RGS7: variants seen among roughly 807,000 people sequenced by gnomAD.
The protein encoded by RGS7 is regulator of G-protein signaling 7.
Under a neutral mutation model 81.1 loss-of-function variants are expected in RGS7, and 27 were observed. The ratio of observed to expected loss-of-function variants is 0.33; its 90% confidence interval spans 0.25 to 0.46. The LOEUF (loss-of-function observed/expected upper bound fraction) is 0.46, where lower values mean the gene tolerates loss of function less well. Among genes scored for constraint, RGS7 ranks in the 20% least tolerant of loss-of-function variants. RGS7 has a pLI of 1.00. For synonymous variants in RGS7, 208 were observed against 207.7 expected, an observed-to-expected ratio of 1.00 and a Z score of -0.01; for missense variants, 396 against 607.4, an observed-to-expected ratio of 0.65 and a Z score of 3.66.
intron 2 of RGS7, among the ~76,000 whole-genome samples, chr1:241,198,425 TA>T (rs1225855042): frequency 2.0e-5 from 3 of 151,972 alleles, no homozygotes; most frequent in African/African-American, 7.2e-5. Flanking sequence ...AAAAGGCTAA[TA>T]TAGTTGATGA....
At chr1:241,093,421 C>G (rs1027100039) in intron 3 of RGS7, among the ~76,000 whole-genome samples, 3 of 152,102 alleles carry the variant, frequency 2.0e-5, no homozygotes, top group Non-Finnish European at 4.4e-5. Flanking sequence ...ATTTCCCCAG[C>G]AACGGTAAAA....
At chr1:240,838,061 A>G (rs1694996107) in intron 9 of RGS7, among the ~76,000 whole-genome samples, 1 of 152,214 alleles carries the variant, frequency 6.6e-6, no homozygotes, top group Non-Finnish European at 1.5e-5. Context: ...TCCCTGTCTT[A>G]GTCTCTTCAG....
At chr1:241,077,068 T>G (rs1465558074) in intron 3 of RGS7, among the ~76,000 whole-genome samples, 1 of 152,222 alleles carries the variant, frequency 6.6e-6, no homozygotes, top group Non-Finnish European at 1.5e-5. Context: ...CTATTCTTTT[T>G]TATCACTTGA....
At chr1:241,192,155 A>G (rs1025118159) in intron 2 of RGS7, among the ~76,000 whole-genome samples, 22 of 105,024 alleles carry the variant, frequency 2.1e-4, no homozygotes, top group African/African-American at 7.8e-4. Context: ...GGCTAGAGAA[A>G]ACAGGTGTGT....
chr1:241,214,379 A>C (rs2074428143), intron 2 of RGS7, among the ~76,000 whole-genome samples: 2 of 152,206 alleles, frequency 1.3e-5, no homozygotes, highest in African/African-American at 4.8e-5. Context: ...CAATTGTATA[A>C]GCTAGTTTAA....
chr1:241,353,679 A>T (rs2083386917), intron 2 of RGS7, among the ~76,000 whole-genome samples: 1 of 152,152 alleles, frequency 6.6e-6, no homozygotes, highest in African/African-American at 2.4e-5. Context: ...CTAATAAAAG[A>T]AGGGAAAAAT....
chr1:241,291,282 G>A (rs899521177), intron 2 of RGS7, among the ~76,000 whole-genome samples: 2 of 152,082 alleles, frequency 1.3e-5, no homozygotes, highest in Non-Finnish European at 2.9e-5. Flanking sequence ...AATTGGTAGG[G>A]ACCTTGTCAA....
At chr1:241,235,628 CTCT>C (rs2075900961) in intron 2 of RGS7, among the ~76,000 whole-genome samples, 1 of 61,024 alleles carries the variant, frequency 1.6e-5, no homozygotes, top group Non-Finnish European at 3.6e-5. Flanking sequence ...TCCCTTTTCT[CTCT>C]TTTTTCTTTT....
chr1:240,846,982 C>A (rs375920356), intron 9 of RGS7, among the ~76,000 whole-genome samples: 32 of 152,272 alleles, frequency 2.1e-4, no homozygotes, highest in South Asian at 1.7e-3. Flanking sequence ...ACCAGGAAAA[C>A]CACTCCTGGA....
Position 240,838,163 on chromosome 1 carries a change from G to A in RGS7, c.610-10991C>T, listed in dbSNP as rs369141461. Among the ~76,000 whole-genome samples, 4 of 152,168 alleles carry A rather than the reference G, an allele frequency of 2.6e-5. No individual in the cohort carries two copies. The South Asian group carries it at 8.3e-4, about 32-fold the overall frequency. On this transcript the variant is annotated intron_variant, in intron 9 of 18. Transcript: ENST00000440928. ...TGGAGGCTGGGAAGTTCAAGATCAAGGCAGTGAAAGATTTTGTGTTGGGTG... is the reference window on the plus strand; with the variant it reads ...TGGAGGCTGGGAAGTTCAAGATCAAAGCAGTGAAAGATTTTGTGTTGGGTG...
At chr1:241,106,638 C>T (rs1237326920) in intron 2 of RGS7, among the ~76,000 whole-genome samples, 1 of 150,886 alleles carries the variant, frequency 6.6e-6, no homozygotes, top group Non-Finnish European at 1.5e-5. Flanking sequence ...ATCCCTTGAA[C>T]CTGGGAGGCG....
chr1:241,161,820 C>T (rs532505271), intron 2 of RGS7, among the ~76,000 whole-genome samples: 65 of 151,400 alleles, frequency 4.3e-4, no homozygotes, highest in African/African-American at 1.4e-3. Context: ...CAGGTTCAAG[C>T]GATTCTCCTG....
intron 6 of RGS7, among the ~76,000 whole-genome samples, chr1:240,910,981 G>C (rs553675475): frequency 6.6e-6 from 1 of 152,198 alleles, no homozygotes; most frequent in East Asian, 1.9e-4. Context: ...GGGATTACAG[G>C]CCTGAGCCAT....
At chr1:240,887,061 T>A (rs985006937) in intron 6 of RGS7, among the ~76,000 whole-genome samples, 1 of 152,098 alleles carries the variant, frequency 6.6e-6, no homozygotes, top group Non-Finnish European at 1.5e-5. Context: ...TTCTTGGAGA[T>A]GATGTGTTGG....
intron 3 of RGS7, among the ~76,000 whole-genome samples, chr1:241,027,683 G>A (rs986442343): frequency 6.6e-6 from 1 of 152,110 alleles, no homozygotes; most frequent in Non-Finnish European, 1.5e-5. Flanking sequence ...AGATGGAGGA[G>A]AGCCTAGGTT....
At chr1:241,239,169 A>C (rs2076146294) in intron 2 of RGS7, among the ~76,000 whole-genome samples, 1 of 151,432 alleles carries the variant, frequency 6.6e-6, no homozygotes, top group African/African-American at 2.4e-5. Context: ...GGGTTTCATC[A>C]TGTTAGCCAG....
intron 2 of RGS7, among the ~76,000 whole-genome samples, chr1:241,117,223 G>C (rs936464741): frequency 1.3e-5 from 2 of 152,220 alleles, no homozygotes; most frequent in African/African-American, 4.8e-5. Flanking sequence ...TATTCCATTT[G>C]ATTGCACACA....
At position 241,068,257 on chromosome 1, in the gene RGS7, T is replaced by TATATATATAA. The variant is rs1433690559; in HGVS notation, c.175+30408_175+30409insTTATATATAT. Among the ~76,000 whole-genome samples the TATATATATAA allele has an allele frequency of 9.8e-3, 715 of 73,168 alleles. 116 individuals are homozygous for TATATATATAA. The highest frequency in any genetic ancestry group is 0.022 in the East Asian group (27 of 1,230). 48.0% of individuals were successfully genotyped at this position (73,168 alleles called of 152,430 possible). On this transcript the variant is annotated intron_variant, in intron 3 of 18. Coordinates refer to ENST00000440928, the MANE Select transcript of RGS7 (RefSeq NM_001364886.1). ...GTGTGTGTATATATATATATATATA[T>TATATATATAA]AAAATATTGTGTATATATAATATTA...
intron 2 of RGS7, among the ~76,000 whole-genome samples, chr1:241,162,053 G>A (rs981576664): frequency 1.3e-5 from 2 of 152,094 alleles, no homozygotes; most frequent in African/African-American, 2.4e-5. Context: ...CTAGGCAGAC[G>A]TGAGCAGGTC....
Sources: allele counts gnomAD v4.1 joint callset (sites outside exome capture counted in the v4.1 genomes callset), GRCh38; gene constraint gnomAD v4.1.1; transcripts MANE v1.5; gene names NCBI Gene and HGNC (gene_info 2026-07-23, HGNC 2026-07-21).